Variants in PLPPR5 observed in about 807,000 individuals in gnomAD.
PLPPR5 encodes phospholipid phosphatase related 5, also known as phospholipid phosphatase-related protein type 5.
PLPPR5 carries 16 observed loss-of-function variants against 33.9 expected under a neutral mutation model. That is an observed-to-expected ratio of 0.47 (90% CI 0.32 to 0.72). The LOEUF (loss-of-function observed/expected upper bound fraction) is 0.72. PLPPR5 is among the 30% of genes least tolerant of loss of function. PLPPR5 has a pLI of 0.03. For synonymous variants in PLPPR5, 163 were observed against 150.3 expected, an observed-to-expected ratio of 1.08 and a Z score of -0.62; for missense variants, 301 against 406.7, an observed-to-expected ratio of 0.74 and a Z score of 2.23.
chr1:99,000,620 A>G (rs919826254), intron 1 of PLPPR5, among the ~76,000 whole-genome samples: 1 of 152,190 alleles, frequency 6.6e-6, no homozygotes, highest in African/African-American at 2.4e-5. Flanking sequence ...TCTCTCCTTC[A>G]AGACACACCT....
intron 3 of PLPPR5, among the ~76,000 whole-genome samples, chr1:98,947,850 A>G (rs760459732): frequency 6.6e-6 from 1 of 152,254 alleles, no homozygotes; most frequent in Non-Finnish European, 1.5e-5. Context: ...GTATGAGTGC[A>G]TGCTCAGTAA....
At chr1:98,947,709 T>C (rs1368311852) in intron 3 of PLPPR5, among the ~76,000 whole-genome samples, 1 of 152,136 alleles carries the variant, frequency 6.6e-6, no homozygotes, top group Non-Finnish European at 1.5e-5. Context: ...AGTAGATACC[T>C]CACAAATGTC....
chr1:98,956,759 G>A lies in PLPPR5; in HGVS notation c.238-18C>T. ...ACTATTATCTTGAAAGAAAATAAAAGATTAAGGAATATTAGAATTTAACCA... is the reference window on the plus strand; with the variant it reads ...ACTATTATCTTGAAAGAAAATAAAAAATTAAGGAATATTAGAATTTAACCA... On this transcript the variant is annotated intron_variant, in intron 1 of 5. Coordinates refer to ENST00000263177, the MANE Select transcript of PLPPR5 (RefSeq NM_001037317.2). 1 of 1,522,978 alleles carries A rather than the reference G, an allele frequency of 6.6e-7. No individual in the cohort carries two copies. The highest frequency in any genetic ancestry group is 8.8e-7 in the Non-Finnish European group (1 of 1,134,832). 94.3% of individuals were successfully genotyped at this position (1,522,978 alleles called of 1,614,324 possible).
intron 1 of PLPPR5, among the ~76,000 whole-genome samples, chr1:98,987,157 A>T (rs1652290374): frequency 6.6e-6 from 1 of 151,944 alleles, no homozygotes; most frequent in African/African-American, 2.4e-5. Context: ...CCAAAATCAA[A>T]TGCTAAATTA....
At chr1:98,968,470 G>A (rs1651530186) in intron 1 of PLPPR5, among the ~76,000 whole-genome samples, 2 of 151,944 alleles carry the variant, frequency 1.3e-5, no homozygotes, top group South Asian at 2.1e-4. Context: ...AAAGATGATG[G>A]AGATTTTAGA....
At chr1:98,924,964 A>C (rs1434406231) in intron 3 of PLPPR5, among the ~76,000 whole-genome samples, 1 of 152,232 alleles carries the variant, frequency 6.6e-6, no homozygotes, top group Non-Finnish European at 1.5e-5. Flanking sequence ...ATAATGCACA[A>C]ATTTTTCTGC....
At position 99,001,736 on chromosome 1, in the gene PLPPR5, AAAAG is replaced by A. The variant is rs912835897; in HGVS notation, c.237+2695_237+2698del. Among the ~76,000 whole-genome samples the A allele has an allele frequency of 2.1e-5, 3 of 145,872 alleles. No homozygotes were observed. The East Asian group carries it at 6.1e-4, about 30-fold the overall frequency. On this transcript the variant is annotated intron_variant, in intron 1 of 5. Coordinates refer to ENST00000263177, the MANE Select transcript of PLPPR5 (RefSeq NM_001037317.2). ...TTTATTACTACAGGACAAAAAATGT[AAAAG>A]AGACTATTTGAGGCATTTATTTAGA...
chr1:98,974,781 A>G (rs751497175), intron 1 of PLPPR5, among the ~76,000 whole-genome samples: 1 of 152,068 alleles, frequency 6.6e-6, no homozygotes, highest in Non-Finnish European at 1.5e-5. Context: ...TATTCCTGAA[A>G]TGCAATTTCT....
chr1:98,998,659 A>G (rs1652715953), intron 1 of PLPPR5, among the ~76,000 whole-genome samples: 2 of 152,194 alleles, frequency 1.3e-5, no homozygotes, highest in African/African-American at 4.8e-5. Flanking sequence ...GTATATAACA[A>G]AAAATGAAAT....
chr1:98,950,919 G>T (rs1292914908), intron 3 of PLPPR5, among the ~76,000 whole-genome samples: 1 of 151,878 alleles, frequency 6.6e-6, no homozygotes, highest in Non-Finnish European at 1.5e-5. Context: ...GGTTGCCTAG[G>T]CTGGTCTCAA....
intron 3 of PLPPR5, among the ~76,000 whole-genome samples, chr1:98,945,508 G>T (rs974634267): frequency 6.6e-5 from 10 of 152,182 alleles, no homozygotes; most frequent in Non-Finnish European, 1.3e-4. Context: ...GTAGTGTGAT[G>T]TAAAAGACCA....
At chr1:98,952,358 GTAC>G (rs1399725480) in intron 3 of PLPPR5, among the ~76,000 whole-genome samples, 1 of 152,084 alleles carries the variant, frequency 6.6e-6, no homozygotes, top group Non-Finnish European at 1.5e-5. Context: ...GAGCTGCAAG[GTAC>G]ATCCTTGTGA....
At chr1:98,975,714 C>T (rs905498132) in intron 1 of PLPPR5, among the ~76,000 whole-genome samples, 1 of 152,128 alleles carries the variant, frequency 6.6e-6, no homozygotes, top group Non-Finnish European at 1.5e-5. Context: ...TACTTTGTAC[C>T]TTTAAGAAAA....
chr1:98,918,501 GC>G (rs1301474370), intron 4 of PLPPR5, among the ~76,000 whole-genome samples: 1 of 152,092 alleles, frequency 6.6e-6, no homozygotes, highest in Non-Finnish European at 1.5e-5. Context: ...CTTGTATTTT[GC>G]TAAGTATGGT....
chr1:98,936,737 A>G (rs1344294069), intron 3 of PLPPR5, among the ~76,000 whole-genome samples: 2 of 152,258 alleles, frequency 1.3e-5, no homozygotes, highest in African/African-American at 4.8e-5. Flanking sequence ...AGACCTATTT[A>G]TTCAGAACAA....
intron 2 of PLPPR5, among the ~76,000 whole-genome samples, chr1:98,954,399 A>G (rs1033602486): frequency 5.9e-5 from 9 of 152,106 alleles, no homozygotes; most frequent in Non-Finnish European, 1.2e-4. Context: ...TTAGGTTACA[A>G]TAGTTAGATG....
intron 5 of PLPPR5, among the ~76,000 whole-genome samples, chr1:98,905,426 TTATA>T (rs1648858704): frequency 6.6e-6 from 1 of 152,170 alleles, no homozygotes; most frequent in Admixed American, 6.5e-5. Flanking sequence ...AATTGGCCTT[TTATA>T]AATCATTTTA....
At chr1:98,963,320 T>C (rs1651314045) in intron 1 of PLPPR5, among the ~76,000 whole-genome samples, 1 of 152,234 alleles carries the variant, frequency 6.6e-6, no homozygotes, top group Non-Finnish European at 1.5e-5. Context: ...ATTATGATAA[T>C]TTGCATATGC....
chr1:98,931,073 A>T (rs1271565512), intron 3 of PLPPR5, among the ~76,000 whole-genome samples: 2 of 152,080 alleles, frequency 1.3e-5, no homozygotes, highest in Non-Finnish European at 2.9e-5. Flanking sequence ...TGCACCTCAA[A>T]TCACATCCTC....
Sources: allele counts gnomAD v4.1 joint callset (sites outside exome capture counted in the v4.1 genomes callset), GRCh38; gene constraint gnomAD v4.1.1; transcripts MANE v1.5; gene names NCBI Gene and HGNC (gene_info 2026-07-23, HGNC 2026-07-21).